GSE1: variants seen among roughly 807,000 people sequenced by gnomAD.
The protein encoded by GSE1 is genetic suppressor element 1.
A neutral mutation model predicts 112.6 loss-of-function variants in GSE1; 32 were observed. The observed-to-expected ratio is 0.28, with a 90% CI of 0.21 to 0.38. GSE1 has a LOEUF of 0.38. Among genes scored for constraint, GSE1 ranks in the 10% least tolerant of loss-of-function variants. The pLI is 1.00. For synonymous variants in GSE1, 1,115 were observed against 735.6 expected, an observed-to-expected ratio of 1.52 and a Z score of -8.35; for missense variants, 2,348 against 1,699.2, an observed-to-expected ratio of 1.38 and a Z score of -6.71.
chr16:85,422,160 C>A (rs2048860356), intron 2 of GSE1, among the ~76,000 whole-genome samples: 1 of 152,166 alleles, frequency 6.6e-6, no homozygotes, highest in African/African-American at 2.4e-5. Flanking sequence ...CCCACCTCGG[C>A]CCCCTCCTCC....
In GSE1 at chr16:85,663,033, C is replaced by A; in HGVS notation, c.2313C>A (p.Val771=). The A allele has an allele frequency of 1.9e-6, 3 of 1,613,292 alleles. No homozygotes were observed. The highest frequency in any genetic ancestry group is 1.7e-6 in the Non-Finnish European group (2 of 1,179,756). Residue 771 remains valine, a synonymous_variant, in exon 10 of 16, where the codon GTC becomes GTA. Coordinates refer to ENST00000253458, the MANE Select transcript of GSE1 (RefSeq NM_014615.5). Reference sequence around the variant, plus strand: ...ACGACGAGAGCGATGAGGAGGAGGTCAGGGCCCACCTCCGTTGCGTGGCCG... The same window carrying A: ...ACGACGAGAGCGATGAGGAGGAGGTAAGGGCCCACCTCCGTTGCGTGGCCG... The part of the protein sequence containing the change: ...DSYDESDEEE[V]RAHLRCVAEQ...
chr16:85,304,293 G>T (rs762869706), intron 1 of GSE1, among the ~76,000 whole-genome samples: 1 of 152,198 alleles, frequency 6.6e-6, no homozygotes, highest in Non-Finnish European at 1.5e-5. Flanking sequence ...CCCTGGCATG[G>T]TGTCTTTACT....
chr16:85,621,602 A>G (rs2048747372), intron 1 of GSE1, among the ~76,000 whole-genome samples: 1 of 152,146 alleles, frequency 6.6e-6, no homozygotes. Context: ...CATTTTAACT[A>G]AGCAGCTGGT....
chr16:85,318,102 C>G (rs1281841029), intron 1 of GSE1, among the ~76,000 whole-genome samples: 1 of 152,172 alleles, frequency 6.6e-6, no homozygotes, highest in East Asian at 1.9e-4. Context: ...GGACCTGTGC[C>G]CAAGTGGGCA....
intron 2 of GSE1, among the ~76,000 whole-genome samples, chr16:85,451,743 GT>G (rs1167086267): frequency 1.1e-5 from 1 of 94,198 alleles, no homozygotes; most frequent in Non-Finnish European, 2.3e-5. Flanking sequence ...TGTGCTGGTG[GT>G]TGGTGCGTGC....
At chr16:85,612,919 T>G (rs990369370), upstream of GSE1, among the ~76,000 whole-genome samples, 6 of 149,984 alleles carry the variant, frequency 4.0e-5, no homozygotes, top group African/African-American at 1.0e-4. Flanking sequence ...TGCACTACTT[T>G]AAGAGTTAAG....
intron 1 of GSE1, among the ~76,000 whole-genome samples, chr16:85,307,351 C>T (rs2151473698): frequency 6.6e-6 from 1 of 152,340 alleles, no homozygotes; most frequent in South Asian, 2.1e-4. Context: ...CTAAGATCAC[C>T]TTCACTTCTG....
chr16:85,561,674 G>A (rs549425734), intron 1 of GSE1, among the ~76,000 whole-genome samples: 70 of 152,340 alleles, frequency 4.6e-4, no homozygotes, highest in African/African-American at 1.4e-3. Flanking sequence ...ACATTTCCCC[G>A]GCCCCAGCTG....
At chr16:85,580,949 A>T (rs1377488005) in intron 1 of GSE1, among the ~76,000 whole-genome samples, 3 of 152,240 alleles carry the variant, frequency 2.0e-5, no homozygotes, top group Admixed American at 1.3e-4. Context: ...TAAGCCACGA[A>T]GTCTGGGGTG....
rs190172506 is a variant in GSE1 at position 85,346,932 on chromosome 16, A to G, written c.2284-10531A>G. 3.3e-3 allele frequency among the ~76,000 whole-genome samples: 486 copies of G among 145,830 alleles called. 2 individuals are homozygous for G. The highest frequency in any genetic ancestry group is 0.013 in the African/African-American group (467 of 35,552). On this transcript the variant is annotated intron_variant, in intron 1 of 2. Transcript: ENST00000637419. ...GAGTGGATGGTGAACAGGTGGGTGG[A>G]TGGTGGACAGGTGGGTGGATGGGTA...
intron 1 of GSE1, among the ~76,000 whole-genome samples, chr16:85,571,110 A>G (rs965485125): frequency 6.6e-6 from 1 of 152,062 alleles, no homozygotes; most frequent in Non-Finnish European, 1.5e-5. Context: ...GCTAAAGGGG[A>G]GGTTCGGATT....
chr16:85,179,651 T>C (rs1489579768), intron 1 of GSE1, among the ~76,000 whole-genome samples: 2 of 152,328 alleles, frequency 1.3e-5, no homozygotes, highest in African/African-American at 2.4e-5. Context: ...CTTGAAGCCC[T>C]GTTTCATCAC....
chr16:85,554,179 G>A (rs976955123), upstream of GSE1, among the ~76,000 whole-genome samples: 1 of 151,390 alleles, frequency 6.6e-6, no homozygotes, highest in Non-Finnish European at 1.5e-5. Context: ...GGGGACGTGG[G>A]TAAATGGATC....
intron 1 of GSE1, among the ~76,000 whole-genome samples, chr16:85,182,755 C>T (rs569589699): frequency 6.6e-5 from 10 of 152,166 alleles, no homozygotes; most frequent in Non-Finnish European, 8.8e-5. Flanking sequence ...TGCTGGGAGC[C>T]GCCTGCGTGG....
intron 2 of GSE1, among the ~76,000 whole-genome samples, chr16:85,480,838 G>T (rs1460718249): frequency 6.6e-6 from 1 of 152,126 alleles, no homozygotes; most frequent in Non-Finnish European, 1.5e-5. Context: ...TTGACCTGAG[G>T]CCCAGAGACC....
At chr16:85,542,111 G>A (rs1057173276) in intron 2 of GSE1, among the ~76,000 whole-genome samples, 7 of 130,522 alleles carry the variant, frequency 5.4e-5, no homozygotes, top group African/African-American at 2.1e-4. Flanking sequence ...TGACCTTCTG[G>A]GTTGGAGGAG....
chr16:85,509,007 C>A (rs1394991828), intron 2 of GSE1, among the ~76,000 whole-genome samples: 1 of 152,112 alleles, frequency 6.6e-6, no homozygotes, highest in Non-Finnish European at 1.5e-5. Flanking sequence ...TAGGGCTGGG[C>A]AAAGGTGGGA....
chr16:85,174,389 C>T (rs540363402), intron 1 of GSE1, among the ~76,000 whole-genome samples: 96 of 152,336 alleles, frequency 6.3e-4, no homozygotes, highest in African/African-American at 2.2e-3. Context: ...GGTCTGCCTA[C>T]AGAGAGGACA....
At chr16:85,566,296 C>G (rs1233079427) in intron 1 of GSE1, among the ~76,000 whole-genome samples, 1 of 152,214 alleles carries the variant, frequency 6.6e-6, no homozygotes, top group Non-Finnish European at 1.5e-5. Flanking sequence ...CAGGGAGGGT[C>G]TTTGAGAAGC....
Sources: allele counts gnomAD v4.1 joint callset (sites outside exome capture counted in the v4.1 genomes callset), GRCh38; gene constraint gnomAD v4.1.1; transcripts MANE v1.5; gene names NCBI Gene and HGNC (gene_info 2026-07-23, HGNC 2026-07-21).